The following NAV2 variants were observed in gnomAD, a reference collection of about 807,000 sequenced individuals.
NAV2 encodes helicase, APC down-regulated 1.
In NAV2, 54 loss-of-function variants were observed where a neutral mutation model predicts 223.2. That is an observed-to-expected ratio of 0.24 (90% CI 0.19 to 0.30). The LOEUF (loss-of-function observed/expected upper bound fraction) is 0.30, where lower values mean the gene tolerates loss of function less well. Ranked by LOEUF, NAV2 falls within the 10% of genes least tolerant of loss-of-function variation. The probability of loss-of-function intolerance (pLI) is 1.00; values close to 1 mark genes in which losing one functional copy is unlikely to be tolerated. For synonymous variants in NAV2, 1,279 were observed against 1,239.3 expected (o/e 1.03, Z -0.67); for missense variants, 2,806 against 3,147.5 (o/e 0.89, Z 2.60).
At chr11:19,529,250 G>A (rs1320097243) in intron 1 of NAV2, among the ~76,000 whole-genome samples, 3 of 152,230 alleles carry the variant, frequency 2.0e-5, no homozygotes, top group Non-Finnish European at 4.4e-5. Context: ...AAGTTACTGA[G>A]TTAGTCATAA....
At chr11:19,347,236 T>C (rs1853059807), upstream of NAV2, among the ~76,000 whole-genome samples, 1 of 152,166 alleles carries the variant, frequency 6.6e-6, no homozygotes, top group Non-Finnish European at 1.5e-5. Context: ...GCCTGGCCTG[T>C]GACTTGTCTG....
chr11:19,714,173 G>A (rs1402529102), intron 1 of NAV2: 2 of 721,046 alleles, frequency 2.8e-6, no homozygotes, highest in African/African-American at 3.5e-5. Flanking sequence ...TGCCTTAAGA[G>A]CTCTTCGAGA....
intron 12 of NAV2, 134 bp downstream of exon 12, chr11:20,036,231 C>A: frequency 9.9e-7 from 1 of 1,014,064 alleles, no homozygotes; most frequent in Non-Finnish European, 1.4e-6. Context: ...CCTCCTGCCG[C>A]CTCTGCTCTC....
chr11:20,103,677 C>A lies in NAV2; in HGVS notation c.6597C>A (p.Asn2199Lys), dbSNP rs1178320745. 2.5e-6 allele frequency: 4 copies of A among 1,614,162 alleles called. No individual in the cohort carries two copies. Among genetic ancestry groups the A allele is most frequent in the Non-Finnish European group, 2.5e-6 (3 of 1,180,004 alleles). ...HKCPYIIGTM[N>K]QATSSTPNLQ... ...GCCCTTACATAATTGGCACAATGAA[C>A]CAGGCTACCTCTTCGACTCCCAACC... The change falls in exon 34 of 38, where the codon AAC (asparagine) becomes AAA (lysine). Residue 2199 changes from asparagine to lysine, a missense_variant. Coordinates refer to ENST00000349880, the MANE Select transcript of NAV2 (RefSeq NM_145117.5).
At chr11:20,009,648 C>T (rs559622669) in intron 11 of NAV2, among the ~76,000 whole-genome samples, 3 of 152,242 alleles carry the variant, frequency 2.0e-5, no homozygotes, top group South Asian at 2.1e-4. Context: ...TATGAGCTTC[C>T]GATCCCCCTT....
chr11:19,927,058 G>A (rs1380472274), intron 6 of NAV2, among the ~76,000 whole-genome samples: 1 of 152,216 alleles, frequency 6.6e-6, no homozygotes, highest in Non-Finnish European at 1.5e-5. Flanking sequence ...AAGGCTGGTT[G>A]CCAGAAAAAC....
In NAV2 at chr11:20,068,213, AG is replaced by A. The variant is rs1300284994; in HGVS notation, c.4908+6del. 1 of 1,614,088 alleles carries A rather than the reference AG, an allele frequency of 6.2e-7. No individual in the cohort carries two copies. The highest frequency in any genetic ancestry group is 1.7e-5 in the Admixed American group (1 of 60,008). ...AGAAGAAAAATGCCAGTCAGAGGTA[AG>A]GAACAGCTTTCTGGTTGGATTTCCT... On this transcript the variant is annotated splice_donor_5th_base_variant and intron_variant, in intron 21 of 37. Coordinates refer to ENST00000349880, the MANE Select transcript of NAV2 (RefSeq NM_145117.5).
intron 1 of NAV2, among the ~76,000 whole-genome samples, chr11:19,802,431 A>G (rs2058325620): frequency 2.0e-5 from 3 of 152,116 alleles, no homozygotes; most frequent in Non-Finnish European, 4.4e-5. Context: ...TAGCAACTTT[A>G]TGTGATTGCT....
chr11:19,909,449 C>T (rs146221939), intron 6 of NAV2, among the ~76,000 whole-genome samples: 3 of 152,280 alleles, frequency 2.0e-5, no homozygotes, highest in Admixed American at 6.5e-5. Context: ...ATGCCTGAGA[C>T]GTTTATCTTT....
At chr11:20,069,531 C>G (rs1337834858) in intron 22 of NAV2, among the ~76,000 whole-genome samples, 1 of 152,096 alleles carries the variant, frequency 6.6e-6, no homozygotes, top group Admixed American at 6.5e-5. Flanking sequence ...CCTCTTCCCC[C>G]ACCCCCATCA....
chr11:20,057,516 C>T (rs1277414193), intron 19 of NAV2, among the ~76,000 whole-genome samples: 3 of 152,158 alleles, frequency 2.0e-5, no homozygotes, highest in Non-Finnish European at 4.4e-5. Context: ...AATGCTATAA[C>T]TGCTCAGAAC....
chr11:19,590,906 C>A (rs2046041496), intron 1 of NAV2, among the ~76,000 whole-genome samples: 1 of 152,156 alleles, frequency 6.6e-6, no homozygotes. Context: ...AATCCACAGT[C>A]CTTCTGTCCA....
rs76951969 is a variant in NAV2 at position 19,462,109 on chromosome 11, G to A, written c.75+111082G>A. ...TAGATGTGAGCCACCGCACCCAGCC[G>A]AAAAATAAATTTCTTAATATGAGTT... On this transcript the variant is annotated intron_variant, in intron 1 of 37. Coordinates refer to the NAV2 transcript ENST00000360655. 6.5e-3 allele frequency among the ~76,000 whole-genome samples: 993 copies of A among 152,248 alleles called. 23 individuals carry two copies. Among genetic ancestry groups the A allele is most frequent in the East Asian group, 0.064 (334 of 5,182 alleles).
chr11:19,937,332 A>G (rs147627587), intron 7 of NAV2, among the ~76,000 whole-genome samples: 3 of 148,882 alleles, frequency 2.0e-5, no homozygotes, highest in Non-Finnish European at 4.4e-5. Flanking sequence ...ATGGTTCACT[A>G]TATATAACTT....
chr11:19,668,934 G>A (rs1388062987), intron 1 of NAV2, among the ~76,000 whole-genome samples: 1 of 152,140 alleles, frequency 6.6e-6, no homozygotes, highest in Non-Finnish European at 1.5e-5. Flanking sequence ...ACAGGCCTAT[G>A]GGAGACAATT....
At chr11:19,371,042 G>C (rs1422329598) in intron 1 of NAV2, among the ~76,000 whole-genome samples, 1 of 152,168 alleles carries the variant, frequency 6.6e-6, no homozygotes, top group African/African-American at 2.4e-5. Flanking sequence ...GTCTCAGATG[G>C]CAAGAGACTT....
At chr11:19,767,740 A>C (rs1565281763) in intron 1 of NAV2, among the ~76,000 whole-genome samples, 1 of 152,138 alleles carries the variant, frequency 6.6e-6, no homozygotes, top group African/African-American at 2.4e-5. Context: ...AAATTTAAAT[A>C]ATTTGCCCCA....
At chr11:19,741,893 C>G (rs565339204) in intron 1 of NAV2, among the ~76,000 whole-genome samples, 3 of 151,918 alleles carry the variant, frequency 2.0e-5, no homozygotes, top group Non-Finnish European at 4.4e-5. Flanking sequence ...CTGGGTCATA[C>G]GGCATTTCCA....
At chr11:19,642,468 G>A (rs1185725313) in intron 1 of NAV2, among the ~76,000 whole-genome samples, 1 of 152,184 alleles carries the variant, frequency 6.6e-6, no homozygotes, top group African/African-American at 2.4e-5. Flanking sequence ...GACCTCAGGA[G>A]TTCCTCCCTG....
Sources: allele counts gnomAD v4.1 joint callset (sites outside exome capture counted in the v4.1 genomes callset), GRCh38; gene constraint gnomAD v4.1.1; transcripts MANE v1.5; gene names NCBI Gene and HGNC (gene_info 2026-07-23, HGNC 2026-07-21).